The following WDSUB1 variants were observed in gnomAD, a reference collection of about 807,000 sequenced individuals.
WDSUB1 encodes WD repeat, sterile alpha motif and U-box domain containing 1, also known as WD repeat, SAM and U-box domain-containing protein 1.
A neutral mutation model predicts 53.9 loss-of-function variants in WDSUB1; 49 were observed. The observed-to-expected ratio is 0.91, with a 90% CI of 0.72 to 1.15. The LOEUF (loss-of-function observed/expected upper bound fraction) is 1.15. WDSUB1 is among the 50% of genes most tolerant of loss of function. The pLI is 0.00. For missense variants in WDSUB1, 514 were observed against 562.0 expected, an observed-to-expected ratio of 0.91 and a Z score of 0.86; for synonymous variants, 194 against 200.6, an observed-to-expected ratio of 0.97 and a Z score of 0.28.
At chr2:159,244,647 A>G (rs2060745863) in intron 10 of WDSUB1, among the ~76,000 whole-genome samples, 8 of 152,216 alleles carry the variant, frequency 5.3e-5, no homozygotes, top group African/African-American at 1.9e-4. Flanking sequence ...GCTACTGGCC[A>G]GGCTCAGTGG....
intron 5 of WDSUB1, among the ~76,000 whole-genome samples, chr2:159,267,774 T>C (rs2061373939): frequency 6.6e-6 from 1 of 152,214 alleles, no homozygotes. Flanking sequence ...ACAAATAGAA[T>C]CTATCATTAA....
intron 4 of WDSUB1, among the ~76,000 whole-genome samples, chr2:159,274,666 A>G (rs1432299318): frequency 6.9e-6 from 1 of 144,378 alleles, no homozygotes; most frequent in Admixed American, 6.6e-5. Context: ...TCCTTCACCC[A>G]GAAGGGCCAA....
intron 5 of WDSUB1, among the ~76,000 whole-genome samples, chr2:159,266,104 T>C (rs1027873159): frequency 1.3e-5 from 2 of 152,252 alleles, no homozygotes; most frequent in East Asian, 3.8e-4. Flanking sequence ...TATTCTCGAT[T>C]GTATTTTCTA....
rs2061063522 is a variant in WDSUB1 at position 159,256,384 on chromosome 2, A to G, written c.953-9T>C. On this transcript the variant is annotated splice_polypyrimidine_tract_variant and intron_variant, in intron 8 of 10. Coordinates refer to ENST00000359774, the MANE Select transcript of WDSUB1 (RefSeq NM_001128212.3). ...ATGTTCTGTGCGCCTTGCTTAAAAT[A>G]AACAAACAAGTAAGTGAGATAACAA... 1 of 1,601,322 alleles carries G rather than the reference A, an allele frequency of 6.2e-7. No homozygotes were observed. Among genetic ancestry groups the G allele is most frequent in the Non-Finnish European group, 8.5e-7 (1 of 1,176,372 alleles).
At chr2:159,266,082 A>C (rs1311152505) in intron 5 of WDSUB1, among the ~76,000 whole-genome samples, 3 of 152,230 alleles carry the variant, frequency 2.0e-5, no homozygotes, top group Non-Finnish European at 2.9e-5. Flanking sequence ...ATGAATTTAA[A>C]ATATTTCAGA....
In WDSUB1 at chr2:159,268,872, T is replaced by C. The variant is rs144019565; in HGVS notation, c.770+2830A>G. Among the ~76,000 whole-genome samples, 27 of 152,200 alleles carry C rather than the reference T, an allele frequency of 1.8e-4. No homozygotes were observed. In the East Asian group the frequency reaches 5.0e-3, roughly 28 times the overall value. ...GAAAAAAATTGCCAAATAGGAATTCTAGGACCAAAAAATAAAATAAGCAAA... is the reference window on the plus strand; with the variant it reads ...GAAAAAAATTGCCAAATAGGAATTCCAGGACCAAAAAATAAAATAAGCAAA... On this transcript the variant is annotated intron_variant, in intron 5 of 10. Coordinates refer to ENST00000359774, the MANE Select transcript of WDSUB1 (RefSeq NM_001128212.3).
chr2:159,280,429 C>T (rs1191354743), intron 2 of WDSUB1, among the ~76,000 whole-genome samples: 4 of 151,972 alleles, frequency 2.6e-5, no homozygotes, highest in African/African-American at 7.3e-5. Flanking sequence ...CGGTGGCTCA[C>T]GCCTGTAATC....
chr2:159,261,890 ATATATATTTTTTTTTTTT>A (rs2061228681), intron 5 of WDSUB1, among the ~76,000 whole-genome samples: 2 of 13,652 alleles, frequency 1.5e-4, no homozygotes, highest in Non-Finnish European at 1.1e-4. Flanking sequence ...ATATATATAT[ATATATATTTTTTTTTTTT>A]TTTTTTTTTT....
At chr2:159,238,559 A>C (rs2060549813) in intron 10 of WDSUB1, among the ~76,000 whole-genome samples, 1 of 152,234 alleles carries the variant, frequency 6.6e-6, no homozygotes, top group African/African-American at 2.4e-5. Flanking sequence ...TTGTCAAAAT[A>C]CCACTTGTTA....
intron 2 of WDSUB1, among the ~76,000 whole-genome samples, chr2:159,281,112 C>A (rs1450147948): frequency 2.0e-5 from 3 of 152,200 alleles, no homozygotes; most frequent in Non-Finnish European, 4.4e-5. Flanking sequence ...GACCAACTAG[C>A]ATTTGTGCTC....
Position 159,259,810 on chromosome 2 carries a change from A to T in WDSUB1, c.804T>A (p.Thr268=). 1 of 1,523,760 alleles carries T rather than the reference A, an allele frequency of 6.6e-7. No individual in the cohort carries two copies. Among genetic ancestry groups the T allele is most frequent in the Non-Finnish European group, 8.9e-7 (1 of 1,120,950 alleles). The allele number at this position is 1,523,760 out of a possible 1,614,324, so 94.4% of individuals were successfully genotyped here. Reference sequence around the variant, plus strand: ...CACCACAAGATTTTTAAATACTTACAGTATCATATACTATGACAGACTTAT... The same window carrying T: ...CACCACAAGATTTTTAAATACTTACTGTATCATATACTATGACAGACTTAT... The part of the protein sequence containing the change: ...SVDKSVIVYD[T]NTENILHTLT... Residue 268 remains threonine (T), a splice_region_variant and synonymous_variant, in exon 6 of 11, where the codon ACT becomes ACA. Transcript: ENST00000359774.
At chr2:159,285,027 C>G (rs1446120940) in intron 1 of WDSUB1, among the ~76,000 whole-genome samples, 6 of 152,192 alleles carry the variant, frequency 3.9e-5, no homozygotes, top group African/African-American at 1.4e-4. Flanking sequence ...ATATTCTCAG[C>G]AATTACCACC....
intron 4 of WDSUB1, among the ~76,000 whole-genome samples, chr2:159,273,823 G>T (rs1011420702): frequency 6.6e-6 from 1 of 152,110 alleles, no homozygotes; most frequent in Admixed American, 6.5e-5. Flanking sequence ...CTTTACTTTT[G>T]AACAATTACT....
chr2:159,271,224 T>G (rs2061438337), intron 5 of WDSUB1, among the ~76,000 whole-genome samples: 2 of 152,120 alleles, frequency 1.3e-5, no homozygotes, highest in African/African-American at 4.8e-5. Flanking sequence ...CAGAAATGCA[T>G]GAACATGTAC....
chr2:159,248,596 A>G, intron 9 of WDSUB1, 84 bp from the exon 10 acceptor site: 1 of 1,375,086 alleles, frequency 7.3e-7, no homozygotes, highest in South Asian at 1.8e-5. Context: ...ATTCACAAAT[A>G]GAGTTTGTTG....
chr2:159,281,629 C>G (rs2061665931), intron 2 of WDSUB1, among the ~76,000 whole-genome samples: 2 of 152,164 alleles, frequency 1.3e-5, no homozygotes, highest in South Asian at 4.1e-4. Context: ...GAATTGCAGT[C>G]ACAGAAATAA....
At chr2:159,278,938 A>T (rs1484944822) in intron 3 of WDSUB1, among the ~76,000 whole-genome samples, 1 of 152,228 alleles carries the variant, frequency 6.6e-6, no homozygotes, top group Non-Finnish European at 1.5e-5. Flanking sequence ...CAGCTAGTCC[A>T]AATTGAAATG....
intron 3 of WDSUB1, among the ~76,000 whole-genome samples, chr2:159,278,399 A>G (rs2061586801): frequency 6.6e-6 from 1 of 152,252 alleles, no homozygotes; most frequent in Admixed American, 6.5e-5. Flanking sequence ...ATCAGGCACG[A>G]TGAAGAAAAA....
intron 4 of WDSUB1, among the ~76,000 whole-genome samples, chr2:159,272,927 TATAAA>T (rs2061471280): frequency 1.3e-5 from 2 of 152,148 alleles, no homozygotes; most frequent in Admixed American, 1.3e-4. Flanking sequence ...GGTGACAACC[TATAAA>T]AATAAAAAGA....
Sources: allele counts gnomAD v4.1 joint callset (sites outside exome capture counted in the v4.1 genomes callset), GRCh38; gene constraint gnomAD v4.1.1; transcripts MANE v1.5; gene names NCBI Gene and HGNC (gene_info 2026-07-23, HGNC 2026-07-21).